The following SLC27A2 variants were observed in gnomAD, a reference collection of about 807,000 sequenced individuals.
The protein encoded by SLC27A2 is solute carrier family 27 member 2.
A neutral mutation model predicts 60.0 loss-of-function variants in SLC27A2; 54 were observed. The observed-to-expected ratio is 0.90, with a 90% CI of 0.72 to 1.13. The LOEUF (loss-of-function observed/expected upper bound fraction) is 1.13. Ranked by LOEUF, SLC27A2 falls within the 50% of genes most tolerant of loss-of-function variation. The pLI, the probability that SLC27A2 is intolerant of heterozygous loss-of-function variation, is 0.00. For missense variants in SLC27A2, 739 were observed against 777.6 expected, an observed-to-expected ratio of 0.95 and a Z score of 0.59; for synonymous variants, 297 against 297.6, an observed-to-expected ratio of 1.00 and a Z score of 0.02.
intron 4 of SLC27A2, among the ~76,000 whole-genome samples, chr15:50,210,304 C>G (rs896406950): frequency 1.2e-4 from 18 of 152,268 alleles, no homozygotes; most frequent in African/African-American, 4.1e-4. Context: ...CGGGAGACAC[C>G]CCAAATACTG....
chr15:50,206,903 T>C (rs1215737544), intron 4 of SLC27A2, among the ~76,000 whole-genome samples: 2 of 152,242 alleles, frequency 1.3e-5, no homozygotes. Flanking sequence ...GCATATTCAA[T>C]AGATTCTCGA....
At chr15:50,205,675 A>G (rs1016716271) in intron 4 of SLC27A2, among the ~76,000 whole-genome samples, 2 of 152,064 alleles carry the variant, frequency 1.3e-5, no homozygotes, top group Non-Finnish European at 2.9e-5. Context: ...TTCAAATGAT[A>G]CCTCATACAT....
At chr15:50,197,842 C>T (rs17848320) in intron 2 of SLC27A2, 133 bp downstream of exon 2, 21,711 of 660,708 alleles carry the variant, frequency 0.033, 713 homozygotes, top group African/African-American at 0.12. Flanking sequence ...TATTTGCCTG[C>T]GGGAACTGAT....
chr15:50,233,749 A>G, intron 8 of SLC27A2, 119 bp from the exon 9 acceptor site: 2 of 832,230 alleles, frequency 2.4e-6, no homozygotes, highest in Non-Finnish European at 3.6e-6. Flanking sequence ...TTTAATAAAA[A>G]TTCCAGCTAT....
chr15:50,234,804 C>G (rs2045339684), intron 9 of SLC27A2, among the ~76,000 whole-genome samples: 1 of 152,078 alleles, frequency 6.6e-6, no homozygotes, highest in Non-Finnish European at 1.5e-5. Context: ...CAATCCTAAT[C>G]CCTTTCTCCT....
intron 5 of SLC27A2, among the ~76,000 whole-genome samples, chr15:50,224,845 C>A (rs2045268521): frequency 6.6e-6 from 1 of 152,194 alleles, no homozygotes. Context: ...ACAGCAGATT[C>A]CTGGGCAGTG....
chr15:50,187,259 C>G (rs997063181), intron 1 of SLC27A2, among the ~76,000 whole-genome samples: 3 of 152,196 alleles, frequency 2.0e-5, no homozygotes, highest in Non-Finnish European at 4.4e-5. Flanking sequence ...AGGGTATGAT[C>G]TAGGTAATCA....
chr15:50,196,090 AT>A (rs2045018408), intron 1 of SLC27A2, among the ~76,000 whole-genome samples: 1 of 17,276 alleles, frequency 5.8e-5, no homozygotes, highest in Non-Finnish European at 1.0e-4. Context: ...ATATATATAT[AT>A]ATATATATAT....
Position 50,205,234 on chromosome 15 carries a change from T to C in SLC27A2, c.848-5T>C, listed in dbSNP as rs1460417270. The stretch of plus-strand genomic sequence containing the variant: ...TTCTTGACACTTTCTGTGCTTTCTC[T>C]GTAGGTGCTACTCTTGCCTTGCGGA... On this transcript the variant is annotated splice_polypyrimidine_tract_variant and splice_region_variant and intron_variant, in intron 3 of 9. Coordinates refer to ENST00000267842, the MANE Select transcript of SLC27A2 (RefSeq NM_003645.4). 6.2e-7 allele frequency: 1 copy of C among 1,606,570 alleles called. No homozygotes were observed. The highest frequency in any genetic ancestry group is 2.2e-5 in the East Asian group (1 of 44,764).
intron 5 of SLC27A2, among the ~76,000 whole-genome samples, chr15:50,224,618 C>T (rs1251920869): frequency 6.6e-6 from 1 of 152,160 alleles, no homozygotes; most frequent in African/African-American, 2.4e-5. Flanking sequence ...ACAATGACAG[C>T]TCCACCTACG....
In SLC27A2 at chr15:50,205,367, A is replaced by T. The variant is rs1595685588; in HGVS notation, c.972+4A>T. 6.2e-7 allele frequency: 1 copy of T among 1,602,500 alleles called. No homozygotes were observed. The highest frequency in any genetic ancestry group is 2.2e-5 in the East Asian group (1 of 44,616). On this transcript the variant is annotated splice_donor_region_variant and intron_variant, in intron 4 of 9. Transcript: ENST00000267842. ...GTATTTATGCAACTCACCACAGGTAACACTCCCCCCGTTTTACTATCATTT... is the reference window on the plus strand; with the variant it reads ...GTATTTATGCAACTCACCACAGGTATCACTCCCCCCGTTTTACTATCATTT...
chr15:50,226,220 C>G, intron 6 of SLC27A2, 142 bp downstream of exon 6: 1 of 549,834 alleles, frequency 1.8e-6, no homozygotes, highest in Non-Finnish European at 3.3e-6. Context: ...CTCCAATATA[C>G]AGGAATTCCA....
chr15:50,207,780 A>T (rs968412538), intron 4 of SLC27A2, among the ~76,000 whole-genome samples: 6 of 147,740 alleles, frequency 4.1e-5, no homozygotes, highest in African/African-American at 7.6e-5. Flanking sequence ...ACAGAACAAG[A>T]CCCTGTCTCA....
At chr15:50,193,127 G>A (rs978911580) in intron 1 of SLC27A2, among the ~76,000 whole-genome samples, 8 of 152,072 alleles carry the variant, frequency 5.3e-5, no homozygotes, top group African/African-American at 7.2e-5. Context: ...TGCATAAGCC[G>A]TTCCACTGCC....
At chr15:50,184,318 T>C (rs1313090051) in intron 1 of SLC27A2, among the ~76,000 whole-genome samples, 1 of 152,050 alleles carries the variant, frequency 6.6e-6, no homozygotes, top group East Asian at 1.9e-4. Context: ...ATTGTTTTCC[T>C]CTGCATGGAT....
At chr15:50,235,644 T>C (rs1249509660) in intron 9 of SLC27A2, among the ~76,000 whole-genome samples, 1 of 152,256 alleles carries the variant, frequency 6.6e-6, no homozygotes, top group East Asian at 1.9e-4. Context: ...ATGATATCTA[T>C]ATGAAGTAAT....
intron 8 of SLC27A2, among the ~76,000 whole-genome samples, chr15:50,232,936 C>G (rs1038554587): frequency 6.6e-6 from 1 of 152,208 alleles, no homozygotes; most frequent in Non-Finnish European, 1.5e-5. Flanking sequence ...GCTCCTGTCT[C>G]CTCTCTGATT....
intron 6 of SLC27A2, among the ~76,000 whole-genome samples, chr15:50,226,457 TGTG>T (rs2045279235): frequency 1.3e-5 from 2 of 152,144 alleles, no homozygotes; most frequent in Admixed American, 6.5e-5. Flanking sequence ...ACAGGCCAGG[TGTG>T]GTGGCTCACG....
At chr15:50,218,409 AGAAATAGTACAG>A in intron 4 of SLC27A2, among the ~76,000 whole-genome samples, 1 of 152,336 alleles carries the variant, frequency 6.6e-6, no homozygotes, top group East Asian at 1.9e-4. Context: ...AAATGATCAA[AGAAATAGTACAG>A]GAAAACATCC....
Sources: allele counts gnomAD v4.1 joint callset (sites outside exome capture counted in the v4.1 genomes callset), GRCh38; gene constraint gnomAD v4.1.1; transcripts MANE v1.5; gene names NCBI Gene and HGNC (gene_info 2026-07-23, HGNC 2026-07-21).